Variants in SERGEF observed in about 807,000 individuals in gnomAD.
SERGEF encodes secretion regulating guanine nucleotide exchange factor.
Under a neutral mutation model 50.0 loss-of-function variants are expected in SERGEF, and 51 were observed. The ratio of observed to expected loss-of-function variants is 1.02; its 90% CI spans 0.81 to 1.29. SERGEF has a LOEUF of 1.29. Among genes scored for constraint, SERGEF ranks in the 50% most tolerant of loss-of-function variants. The pLI, the probability that SERGEF is intolerant of heterozygous loss-of-function variation, is 0.00. For missense variants in SERGEF, 521 were observed against 557.0 expected (o/e 0.94, Z 0.65); for synonymous variants, 205 against 212.4 (o/e 0.97, Z 0.30).
At position 17,788,432 on chromosome 11, in the gene SERGEF, A is replaced by G. The variant is rs1849425370; in HGVS notation, c.1049-19T>C. On this transcript the variant is annotated intron_variant, in intron 10 of 10. Coordinates refer to ENST00000265965, the MANE Select transcript of SERGEF (RefSeq NM_012139.4). ...ACTCCACCTGTGAAGGAGAGGGAAG[A>G]CTGCTGTAGAAGAGGTTTTGGATAA... is the stretch of plus-strand genomic sequence containing the variant. The G allele has an allele frequency of 1.3e-6, 2 of 1,582,384 alleles. No homozygotes were observed. Among genetic ancestry groups the G allele is most frequent in the East Asian group, 2.3e-5 (1 of 44,356 alleles).
chr11:17,931,897 T>G (rs568106330), intron 9 of SERGEF, among the ~76,000 whole-genome samples: 2 of 152,190 alleles, frequency 1.3e-5, no homozygotes, highest in Non-Finnish European at 2.9e-5. Context: ...GTGATTCTGA[T>G]GCATGCTGAG....
chr11:17,908,095 C>T (rs938084382), intron 9 of SERGEF, among the ~76,000 whole-genome samples: 1 of 152,218 alleles, frequency 6.6e-6, no homozygotes, highest in African/African-American at 2.4e-5. Flanking sequence ...CTCTCCCTTT[C>T]TCCAATCCAT....
chr11:17,903,225 GTC>G (rs1851778705), intron 9 of SERGEF, among the ~76,000 whole-genome samples: 1 of 152,156 alleles, frequency 6.6e-6, no homozygotes. Flanking sequence ...TCACACTCTA[GTC>G]TCTCTGAACC....
rs545242217 is a variant in SERGEF, at chr11:17,818,892, G to A, written c.1049-30479C>T. On this transcript the variant is annotated intron_variant, in intron 10 of 10. Transcript: ENST00000265965. The stretch of plus-strand genomic sequence containing the variant: ...TCCTTGCCACCTAGACTTTGAACCT[G>A]CTGTTCCCTATACTTGCAAGGCCCT... 3.3e-5 allele frequency among the ~76,000 whole-genome samples: 5 copies of A among 152,198 alleles called. No homozygotes were observed. The South Asian group carries it at 1.0e-3, about 32-fold the overall frequency.
chr11:17,812,603 C>T (rs1849896016), intron 10 of SERGEF, among the ~76,000 whole-genome samples: 1 of 152,214 alleles, frequency 6.6e-6, no homozygotes, highest in Non-Finnish European at 1.5e-5. Flanking sequence ...CATTCTCCTC[C>T]TGTTCAATCC....
At chr11:17,924,652 C>T (rs4757604) in intron 9 of SERGEF, among the ~76,000 whole-genome samples, 18,027 of 61,726 alleles carry the variant, frequency 0.29, 1,323 homozygotes, top group Middle Eastern at 0.47. Flanking sequence ...AGTGGGGGTG[C>T]GGGGGGTGAT....
intron 2 of SERGEF, among the ~76,000 whole-genome samples, chr11:18,007,011 A>G (rs991304328): frequency 1.2e-4 from 19 of 152,234 alleles, no homozygotes; most frequent in African/African-American, 4.1e-4. Flanking sequence ...CAAAAAGCCA[A>G]CAACATTTAT....
intron 6 of SERGEF, 116 bp from the exon 7 acceptor site, chr11:17,993,109 G>A (rs932335062): frequency 5.3e-6 from 4 of 749,086 alleles, no homozygotes; most frequent in Middle Eastern, 2.3e-4. Context: ...GTGCAGGCAG[G>A]CCTGAGTCAG....
At chr11:17,973,151 C>A (rs887987328) in intron 8 of SERGEF, among the ~76,000 whole-genome samples, 20 of 152,158 alleles carry the variant, frequency 1.3e-4, no homozygotes, top group African/African-American at 4.8e-4. Flanking sequence ...AAAGGAAAGC[C>A]GCAGTTCCCA....
At chr11:17,904,696 A>C (rs1037210960) in intron 9 of SERGEF, among the ~76,000 whole-genome samples, 4 of 152,200 alleles carry the variant, frequency 2.6e-5, no homozygotes, top group Admixed American at 2.0e-4. Flanking sequence ...TCTTTATTTT[A>C]GTAAATACCA....
At chr11:17,834,078 C>T (rs796530531) in intron 10 of SERGEF, among the ~76,000 whole-genome samples, 3 of 152,208 alleles carry the variant, frequency 2.0e-5, no homozygotes, top group Admixed American at 1.3e-4. Context: ...GGTTTAGCTC[C>T]GTGTCCCCAT....
chr11:18,011,137 TACACACACACAC>T (rs57370560), intron 1 of SERGEF, among the ~76,000 whole-genome samples: 1 of 147,636 alleles, frequency 6.8e-6, no homozygotes, highest in Non-Finnish European at 1.5e-5. Context: ...CATGCACACA[TACACACACACAC>T]ACACACACAC....
At chr11:17,853,998 G>T (rs1326908886) in intron 10 of SERGEF, 1 of 147,692 alleles carries the variant, frequency 6.8e-6, no homozygotes, top group Non-Finnish European at 1.5e-5. Context: ...TCCAGCCTGG[G>T]GGACAGAGCG....
intron 10 of SERGEF, among the ~76,000 whole-genome samples, chr11:17,817,130 G>A (rs897250739): frequency 6.6e-6 from 1 of 151,950 alleles, no homozygotes; most frequent in Non-Finnish European, 1.5e-5. Flanking sequence ...AAAAGCTCAT[G>A]ATAATAATAA....
intron 10 of SERGEF, among the ~76,000 whole-genome samples, chr11:17,809,839 A>T (rs1044493513): frequency 2.0e-5 from 3 of 152,180 alleles, no homozygotes; most frequent in Non-Finnish European, 2.9e-5. Flanking sequence ...GTCCTGGTAG[A>T]TGAATCTAGA....
chr11:17,928,108 C>T (rs1432843035), intron 9 of SERGEF, among the ~76,000 whole-genome samples: 1 of 152,184 alleles, frequency 6.6e-6, no homozygotes, highest in Non-Finnish European at 1.5e-5. Flanking sequence ...AACCATGAAC[C>T]AAGCATTAGT....
intron 10 of SERGEF, among the ~76,000 whole-genome samples, chr11:17,801,673 T>C (rs1028010320): frequency 6.6e-6 from 1 of 152,182 alleles, no homozygotes; most frequent in Admixed American, 6.5e-5. Flanking sequence ...TGTAAGTGCC[T>C]ATTAGACATG....
intron 10 of SERGEF, among the ~76,000 whole-genome samples, chr11:17,875,103 G>A (rs1215453860): frequency 1.3e-5 from 2 of 152,242 alleles, no homozygotes; most frequent in Non-Finnish European, 2.9e-5. Context: ...TGTAAGTGGA[G>A]AAGACAGAAT....
chr11:17,817,642 G>GT (rs1290862870), intron 10 of SERGEF, among the ~76,000 whole-genome samples: 1 of 152,176 alleles, frequency 6.6e-6, no homozygotes, highest in Non-Finnish European at 1.5e-5. Flanking sequence ...AACAAAGCTA[G>GT]TAAGTGGTAG....
Sources: gnomAD v4.1 joint callset for allele counts (sites outside exome capture counted in the v4.1 genomes callset) on GRCh38, gnomAD v4.1.1 for gene constraint, MANE v1.5 for transcripts, NCBI Gene and HGNC (gene_info 2026-07-23, HGNC 2026-07-21) for gene names.